The following DLGAP4 variants were observed in gnomAD, a reference collection of about 807,000 sequenced individuals.
DLGAP4 encodes the protein disks large-associated protein 4.
DLGAP4 carries 18 observed loss-of-function variants against 86.9 expected under a neutral mutation model. The ratio of observed to expected loss-of-function variants is 0.21; its 90% CI spans 0.14 to 0.31. DLGAP4 has a LOEUF of 0.31. Ranked by LOEUF, DLGAP4 falls within the 10% of genes least tolerant of loss-of-function variation. DLGAP4 has a pLI of 1.00. For missense variants in DLGAP4, 1,085 were observed against 1,362.6 expected, an observed-to-expected ratio of 0.80 and a Z score of 3.21; for synonymous variants, 548 against 574.3, an observed-to-expected ratio of 0.95 and a Z score of 0.65.
intron 7 of DLGAP4, among the ~76,000 whole-genome samples, chr20:36,487,094 G>C (rs578095107): frequency 6.6e-6 from 1 of 152,316 alleles, no homozygotes; most frequent in South Asian, 2.1e-4. Context: ...TGCTTTTGCG[G>C]TAGAGAGGTG....
intron 1 of DLGAP4, among the ~76,000 whole-genome samples, chr20:36,339,992 G>GC (rs2065361745): frequency 6.6e-6 from 1 of 152,240 alleles, no homozygotes; most frequent in African/African-American, 2.4e-5. Flanking sequence ...CAGCCGCAGA[G>GC]CGGGGAAGGA....
chr20:36,375,197 CTG>C (rs2031104957), intron 2 of DLGAP4, among the ~76,000 whole-genome samples: 1 of 152,176 alleles, frequency 6.6e-6, no homozygotes, highest in Non-Finnish European at 1.5e-5. Context: ...TCCTTGTCTC[CTG>C]CCACCCTGCA....
chr20:36,352,086 C>T (rs1376328810), intron 1 of DLGAP4, among the ~76,000 whole-genome samples: 2 of 152,104 alleles, frequency 1.3e-5, no homozygotes, highest in Non-Finnish European at 2.9e-5. Context: ...GAGAGAACCC[C>T]GGGTGATCCA....
At chr20:36,407,143 C>T (rs1231818102) in intron 2 of DLGAP4, among the ~76,000 whole-genome samples, 1 of 152,040 alleles carries the variant, frequency 6.6e-6, no homozygotes, top group Non-Finnish European at 1.5e-5. Context: ...AGTTTGAGAC[C>T]AGCCAGGGCA....
chr20:36,387,918 A>G lies in DLGAP4; in HGVS notation c.-73+20643A>G, dbSNP rs541503582. ...TCACTGTATCTCATCATTTTTCAAC[A>G]GGGACATCTTGGCATTTGGGGTACA... On this transcript the variant is annotated intron_variant, in intron 2 of 12. Transcript: ENST00000339266. 2.0e-5 allele frequency among the ~76,000 whole-genome samples: 3 copies of G among 152,312 alleles called. No individual in the cohort carries two copies. The East Asian group carries it at 5.8e-4, about 29-fold the overall frequency.
At chr20:36,518,611 A>G (rs2037184070) in intron 10 of DLGAP4, among the ~76,000 whole-genome samples, 1 of 152,090 alleles carries the variant, frequency 6.6e-6, no homozygotes, top group South Asian at 2.1e-4. Flanking sequence ...AGATGTGTAA[A>G]TCTTTGTTTT....
At chr20:36,435,930 C>T (rs554143713) in intron 3 of DLGAP4, among the ~76,000 whole-genome samples, 179 bp from the exon 4 acceptor site, 7 of 152,154 alleles carry the variant, frequency 4.6e-5, no homozygotes, top group Admixed American at 6.5e-5. Flanking sequence ...TCTGGAACCC[C>T]GGTATTCCTC....
At chr20:36,457,929 G>A (rs766138867) in intron 7 of DLGAP4, among the ~76,000 whole-genome samples, 4 of 151,872 alleles carry the variant, frequency 2.6e-5, no homozygotes, top group East Asian at 2.0e-4. Context: ...CACCACACCC[G>A]GATTGAGTGA....
chr20:36,476,268 T>TATTAAAC (rs906248005), intron 7 of DLGAP4, among the ~76,000 whole-genome samples: 3 of 151,106 alleles, frequency 2.0e-5, no homozygotes, highest in Non-Finnish European at 4.4e-5. Flanking sequence ...ACTCCGTGCC[T>TATTAAAC]ATTAAACACT....
intron 2 of DLGAP4, among the ~76,000 whole-genome samples, chr20:36,425,758 T>C (rs2032958362): frequency 6.6e-6 from 1 of 151,532 alleles, no homozygotes; most frequent in Non-Finnish European, 1.5e-5. Flanking sequence ...GAGGCGGAGG[T>C]TGCAGTGAGC....
At position 36,406,214 on chromosome 20, in the gene DLGAP4, C is replaced by T. The variant is rs909502181; in HGVS notation, c.-72-25432C>T. On this transcript the variant is annotated intron_variant, in intron 2 of 12. Coordinates refer to ENST00000339266, the MANE Select transcript of DLGAP4 (RefSeq NM_001365621.2). ...GAGATCAAGACCATCCTGGCTAACA[C>T]GGTGAAACCCTGTCTCTACTAAAAA... 2.1e-4 allele frequency among the ~76,000 whole-genome samples: 32 copies of T among 151,980 alleles called. 1 individual carries two copies. Among genetic ancestry groups the T allele is most frequent in the Non-Finnish European group, 4.6e-4 (31 of 67,988 alleles).
intron 1 of DLGAP4, among the ~76,000 whole-genome samples, chr20:36,312,385 A>G (rs2065061399): frequency 6.7e-6 from 1 of 149,266 alleles, no homozygotes; most frequent in South Asian, 2.1e-4. Context: ...GCACACACAC[A>G]CACACACACA....
chr20:36,311,617 C>T (rs2065054250), intron 1 of DLGAP4, among the ~76,000 whole-genome samples: 1 of 152,198 alleles, frequency 6.6e-6, no homozygotes, highest in African/African-American at 2.4e-5. Context: ...ATCTCCCAGG[C>T]CATGTGCACT....
rs1569523131 is a variant in DLGAP4, at chr20:36,508,419, G to GTTTTTTTTTTTT, written c.2512+7810_2512+7811insTTTTTTTTTTTT. 1.0e-3 allele frequency: 134 copies of GTTTTTTTTTTTT among 134,578 alleles called. 2 individuals are homozygous for GTTTTTTTTTTTT. The highest frequency in any genetic ancestry group is 3.8e-3 in the African/African-American group (128 of 33,570). The allele number at this position is 134,578 out of a possible 1,614,324, so 8.3% of individuals were successfully genotyped here. ...ACCATTTTCCTACTGATGTTTCAGG[G>GTTTTTTTTTTTT]TTCTTTTTTTTTTTTTTTTTTTTTT... On this transcript the variant is annotated intron_variant, in intron 10 of 12. Coordinates refer to ENST00000339266, the MANE Select transcript of DLGAP4 (RefSeq NM_001365621.2).
At chr20:36,411,345 T>A (rs2147502182) in intron 2 of DLGAP4, among the ~76,000 whole-genome samples, 1 of 152,228 alleles carries the variant, frequency 6.6e-6, no homozygotes, top group African/African-American at 2.4e-5. Flanking sequence ...ATCAGACAGA[T>A]GCCCTGACCC....
chr20:36,479,728 C>A (rs1294671514), intron 7 of DLGAP4, among the ~76,000 whole-genome samples: 1 of 152,052 alleles, frequency 6.6e-6, no homozygotes, highest in African/African-American at 2.4e-5. Context: ...GGCAGAGAGG[C>A]CAGTGGTCCC....
intron 7 of DLGAP4, among the ~76,000 whole-genome samples, chr20:36,487,108 C>A (rs774012365): frequency 6.6e-6 from 1 of 152,116 alleles, no homozygotes; most frequent in African/African-American, 2.4e-5. Context: ...AGAGGTGAGG[C>A]TCTGCAGATG....
Position 36,525,978 on chromosome 20 carries a change from A to T in DLGAP4, c.2732A>T (p.Gln911Leu), listed in dbSNP as rs2037732029. Residue 911 changes from glutamine to leucine, a missense_variant, in exon 12 of 13, where the codon CAG becomes CTG. This residue lies in a region of DLGAP4 where 1,082 missense variants were observed against 1,344.1 expected (regional missense o/e 0.81). Coordinates refer to ENST00000339266, the MANE Select transcript of DLGAP4 (RefSeq NM_001365621.2). The stretch of plus-strand genomic sequence containing the variant: ...TACCACCTCAAGGCCAACAGCTGGC[A>T]GCTGGTGGAGACCCCCGAGAAGAGG... ...ELYHLKANSW[Q>L]LVETPEKRKE... 3 of 1,613,980 alleles carry T rather than the reference A, an allele frequency of 1.9e-6. No individual in the cohort carries two copies. The highest frequency in any genetic ancestry group is 2.5e-6 in the Non-Finnish European group (3 of 1,179,982).
At chr20:36,437,651 C>G (rs2033326183) in intron 4 of DLGAP4, among the ~76,000 whole-genome samples, 1 of 152,172 alleles carries the variant, frequency 6.6e-6, no homozygotes, top group African/African-American at 2.4e-5. Context: ...TTAGAGGGAA[C>G]AAGCTTCTCC....
Sources: gnomAD v4.1 joint callset for allele counts (sites outside exome capture counted in the v4.1 genomes callset) on GRCh38, gnomAD v4.1.1 for gene constraint, gnomAD v4.1.1 regional missense constraint, MANE v1.5 for transcripts, NCBI Gene and HGNC (gene_info 2026-07-23, HGNC 2026-07-21) for gene names.